NOL8: variants seen among roughly 807,000 people sequenced by gnomAD.
NOL8 encodes nucleolar protein Nop132.
Under a neutral mutation model 116.1 loss-of-function variants are expected in NOL8, and 93 were observed. That is an observed-to-expected ratio of 0.80 (90% confidence interval 0.68 to 0.95). The LOEUF is 0.95. Among genes scored for constraint, NOL8 ranks in the 40% least tolerant of loss-of-function variants. The pLI is 0.00. For synonymous variants in NOL8, 419 were observed against 469.0 expected (o/e 0.89, Z 1.38); for missense variants, 1,291 against 1,382.8 (o/e 0.93, Z 1.05).
chr9:92,303,227 A>G (rs1837903229), intron 12 of NOL8, among the ~76,000 whole-genome samples: 1 of 152,222 alleles, frequency 6.6e-6, no homozygotes, highest in South Asian at 2.1e-4. Context: ...CTTCTAAGCA[A>G]AGATCAACTC....
rs573664727 is a variant in NOL8, at chr9:92,316,358, T to C, written c.487-220A>G. The stretch of plus-strand genomic sequence containing the variant: ...TAAAGTCTAGTACCACCACTATTAG[T>C]TGGCAGAAATTACTTGGAGTGTATG... On this transcript the variant is annotated intron_variant, in intron 6 of 16. Coordinates refer to ENST00000442668, the MANE Select transcript of NOL8 (RefSeq NM_017948.6). Among the ~76,000 whole-genome samples, 23 of 152,288 alleles carry C rather than the reference T, an allele frequency of 1.5e-4. No individual in the cohort carries two copies. The South Asian group carries it at 4.8e-3, about 32-fold the overall frequency.
chr9:92,318,033 C>CAAAAAAAAAAAAAAAAA (rs745928872), intron 6 of NOL8, among the ~76,000 whole-genome samples: 1 of 34,602 alleles, frequency 2.9e-5, no homozygotes, highest in African/African-American at 1.2e-4. Context: ...GACTCCATCT[C>CAAAAAAAAAAAAAAAAA]AAAAAAAAAA....
Position 92,299,897 on chromosome 9 carries a change from T to C in NOL8, c.3295A>G (p.Ser1099Gly). 6.2e-7 allele frequency: 1 copy of C among 1,613,482 alleles called. No homozygotes were observed. The highest frequency in any genetic ancestry group is 8.5e-7 in the Non-Finnish European group (1 of 1,179,560). Residue 1099 changes from serine (S) to glycine (G), a missense_variant, in exon 14 of 17, where the codon AGT becomes GGT. Physicochemically the swap from Ser to Gly is moderately conservative, Grantham distance 56. Coordinates refer to ENST00000442668, the MANE Select transcript of NOL8 (RefSeq NM_017948.6). ...AAGAAACAAATTGTTTACCCAGGAC[T>C]GGAGTTTCTGTGATCTGTTTCTTCA... ...VTEETDHRNS[S>G]PGEASLLEKE...
chr9:92,301,530 T>C, intron 13 of NOL8, 21 bp downstream of exon 13: 1 of 1,534,370 alleles, frequency 6.5e-7, no homozygotes, highest in South Asian at 1.2e-5. Flanking sequence ...AATAAAAAAG[T>C]ATGGGAAAAA....
rs1434322592 is a variant in NOL8, at chr9:92,316,225, A to G, written c.487-87T>C. On this transcript the variant is annotated intron_variant, in intron 6 of 16. Coordinates refer to ENST00000442668, the MANE Select transcript of NOL8 (RefSeq NM_017948.6). ...ATACAAAAAATATTGCTTAATCTCA[A>G]ATAAGTCATTTCCCCCCCCTTTCAG... The G allele has an allele frequency of 2.9e-6, 4 of 1,379,046 alleles. No individual in the cohort carries two copies. The Admixed American group carries it at 1.1e-4, about 37-fold the overall frequency. The allele number at this position is 1,379,046 out of a possible 1,614,324, so 85.4% of individuals were successfully genotyped here.
At position 92,301,532 on chromosome 9, in the gene NOL8, T is replaced by TG. The variant is rs752509897; in HGVS notation, c.3175+18dup. ...TCAAACTGAATAAAATAAAAAAGTATGGGAAAAAAGAAAAGTACCTTCCTT... is the reference window on the plus strand; with the variant it reads ...TCAAACTGAATAAAATAAAAAAGTATGGGGAAAAAAGAAAAGTACCTTCCTT... On this transcript the variant is annotated intron_variant, in intron 13 of 16. Coordinates refer to ENST00000442668, the MANE Select transcript of NOL8 (RefSeq NM_017948.6). The TG allele has an allele frequency of 1.4e-5, 22 of 1,541,328 alleles. No homozygotes were observed. The Admixed American group carries it at 4.7e-4, about 33-fold the overall frequency.
At chr9:92,322,445 C>A (rs1261203749) in intron 3 of NOL8, among the ~76,000 whole-genome samples, 2 of 152,138 alleles carry the variant, frequency 1.3e-5, no homozygotes, top group Admixed American at 1.3e-4. Flanking sequence ...TCACTGCAAC[C>A]TCTGCCTCCC....
At chr9:92,318,946 C>T (rs1300045632) in intron 5 of NOL8, 1 of 510,996 alleles carries the variant, frequency 2.0e-6, no homozygotes, top group Non-Finnish European at 3.4e-6. Flanking sequence ...TTTGAACAGG[C>T]AAACTTGGGA....
intron 5 of NOL8, chr9:92,318,937 T>C: frequency 2.0e-6 from 1 of 509,146 alleles, no homozygotes; most frequent in Non-Finnish European, 3.4e-6. Flanking sequence ...GGCTGCTAAT[T>C]TGAACAGGCA....
chr9:92,313,068 A>G (rs1838997448), intron 7 of NOL8, among the ~76,000 whole-genome samples: 2 of 151,794 alleles, frequency 1.3e-5, no homozygotes, highest in African/African-American at 4.8e-5. Context: ...TGCCAAGTCT[A>G]CTTCCTGCCC....
intron 11 of NOL8, among the ~76,000 whole-genome samples, chr9:92,306,609 TA>T (rs2134101756): frequency 6.6e-6 from 1 of 152,334 alleles, no homozygotes; most frequent in African/African-American, 2.4e-5. Flanking sequence ...TACGTTTATA[TA>T]AATACTTTTA....
At chr9:92,320,809 T>G (rs2130736873) in intron 4 of NOL8, among the ~76,000 whole-genome samples, 1 of 152,168 alleles carries the variant, frequency 6.6e-6, no homozygotes, top group South Asian at 2.1e-4. Context: ...GTTTCACCAC[T>G]TTAGCCAGGC....
chr9:92,302,832 T>G (rs1837868861), intron 12 of NOL8, among the ~76,000 whole-genome samples: 1 of 152,176 alleles, frequency 6.6e-6, no homozygotes, highest in African/African-American at 2.4e-5. Context: ...AGAAGGACCT[T>G]GAAAAAACTG....
At chr9:92,323,319 C>T (rs1588011574) in intron 3 of NOL8, 122 bp downstream of exon 3, 1 of 1,541,122 alleles carries the variant, frequency 6.5e-7, no homozygotes. Flanking sequence ...TTCTCTTCAT[C>T]ACTGCTGTCC....
chr9:92,298,996 GTTGGTTTAATTTCAA>G (rs1837488755), intron 14 of NOL8, 42 bp from the exon 15 acceptor site: 1 of 1,110,422 alleles, frequency 9.0e-7, no homozygotes, highest in African/African-American at 1.6e-5. Flanking sequence ...ATAGGTATTG[GTTGGTTTAATTTCAA>G]TATTTAAGAA....
intron 12 of NOL8, among the ~76,000 whole-genome samples, chr9:92,304,720 T>C (rs982240369): frequency 1.3e-5 from 2 of 152,184 alleles, no homozygotes; most frequent in Non-Finnish European, 2.9e-5. Flanking sequence ...CTAAATAGCC[T>C]TCACTTTGTT....
intron 4 of NOL8, chr9:92,320,344 G>C (rs1394873535): frequency 2.7e-6 from 1 of 366,192 alleles, no homozygotes; most frequent in Non-Finnish European, 5.4e-6. Flanking sequence ...GCTCAGCATG[G>C]GGCTCTAGTG....
intron 14 of NOL8, 38 bp downstream of exon 14, chr9:92,299,852 A>G (rs755685894): frequency 6.2e-7 from 1 of 1,600,544 alleles, no homozygotes; most frequent in Non-Finnish European, 8.5e-7. Context: ...AGATTTTACA[A>G]ATTATGAACT....
intron 6 of NOL8, among the ~76,000 whole-genome samples, chr9:92,316,721 C>T (rs986730776): frequency 2.0e-5 from 3 of 151,898 alleles, no homozygotes; most frequent in Non-Finnish European, 4.4e-5. Context: ...TTTGGGAGGC[C>T]GAGGTGGGCC....
Sources: gnomAD v4.1 joint callset for allele counts (sites outside exome capture counted in the v4.1 genomes callset) on GRCh38, gnomAD v4.1.1 for gene constraint, MANE v1.5 for transcripts, NCBI Gene and HGNC (gene_info 2026-07-23, HGNC 2026-07-21) for gene names.